Variants in TENM2 observed in about 807,000 individuals in gnomAD.
TENM2 encodes the protein teneurin-2.
Under a neutral mutation model 245.2 loss-of-function variants are expected in TENM2, and 52 were observed. The observed-to-expected ratio is 0.21, with a 90% CI of 0.17 to 0.27. TENM2 has a LOEUF of 0.27. Ranked by LOEUF, TENM2 falls within the 10% of genes least tolerant of loss-of-function variation. The pLI is 1.00. For synonymous variants in TENM2, 1,363 were observed against 1,438.9 expected (o/e 0.95, Z 1.19); for missense variants, 3,046 against 3,666.8 (o/e 0.83, Z 4.37).
intron 1 of TENM2, among the ~76,000 whole-genome samples, chr5:167,343,441 C>G (rs1223752332): frequency 1.3e-5 from 2 of 152,220 alleles, no homozygotes; most frequent in Middle Eastern, 3.4e-3. Flanking sequence ...TGATATCTCT[C>G]CCATACAGTA....
the TENM2 span, among the ~76,000 whole-genome samples, chr5:167,221,247 G>T: frequency 6.6e-6 from 1 of 152,158 alleles, no homozygotes; most frequent in East Asian, 1.9e-4. Context: ...ATGTGGAAGT[G>T]ACTGCCTGTA....
At chr5:167,163,653 T>C in the TENM2 span, among the ~76,000 whole-genome samples, 1 of 152,176 alleles carries the variant, frequency 6.6e-6, no homozygotes, top group South Asian at 2.1e-4. Context: ...AGCTCTTCCA[T>C]GGGGACTGCT....
chr5:167,615,920 C>T (rs1777762825), intron 2 of TENM2, among the ~76,000 whole-genome samples: 1 of 152,042 alleles, frequency 6.6e-6, no homozygotes, highest in South Asian at 2.1e-4. Context: ...GAACAAAAGG[C>T]CATTAGATAG....
At chr5:168,250,614 C>T (rs749001121) in intron 27 of TENM2, among the ~76,000 whole-genome samples, 3 of 152,278 alleles carry the variant, frequency 2.0e-5, no homozygotes, top group African/African-American at 4.8e-5. Flanking sequence ...CCATGCATTG[C>T]TTCAGTGACA....
chr5:167,926,718 CCA>C (rs750351497), intron 3 of TENM2, among the ~76,000 whole-genome samples: 21,625 of 136,412 alleles, frequency 0.16, 1,673 homozygotes, highest in African/African-American at 0.23. Flanking sequence ...TGAGATTCCA[CCA>C]CACACACACA....
At chr5:167,843,371 A>C (rs1425373630) in intron 2 of TENM2, among the ~76,000 whole-genome samples, 1 of 152,208 alleles carries the variant, frequency 6.6e-6, no homozygotes. Context: ...ACTGTGTCTT[A>C]CATATACATA....
At chr5:167,429,835 G>A (rs1764108079) in intron 2 of TENM2, among the ~76,000 whole-genome samples, 1 of 152,064 alleles carries the variant, frequency 6.6e-6, no homozygotes, top group African/African-American at 2.4e-5. Context: ...TCAAACTCCT[G>A]ACCTCAGGTG....
chr5:167,063,656 C>T, the TENM2 span, among the ~76,000 whole-genome samples: 3 of 152,158 alleles, frequency 2.0e-5, no homozygotes, highest in Non-Finnish European at 2.9e-5. Context: ...ATTATTCTTA[C>T]TGTGCTTAAG....
At chr5:167,449,339 G>A (rs1765420942) in intron 2 of TENM2, among the ~76,000 whole-genome samples, 1 of 152,188 alleles carries the variant, frequency 6.6e-6, no homozygotes, top group Non-Finnish European at 1.5e-5. Flanking sequence ...TGATAATGAG[G>A]ATTTATGGTG....
chr5:168,084,162 G>T (rs1472656966), intron 7 of TENM2, among the ~76,000 whole-genome samples: 1 of 152,120 alleles, frequency 6.6e-6, no homozygotes, highest in African/African-American at 2.4e-5. Context: ...TTCCACTCTT[G>T]GTAGGCACCT....
intron 4 of TENM2, among the ~76,000 whole-genome samples, chr5:167,978,535 T>C (rs1420984480): frequency 6.6e-6 from 1 of 152,202 alleles, no homozygotes; most frequent in Non-Finnish European, 1.5e-5. Flanking sequence ...GGTCACATAT[T>C]GTATGAGTCC....
intron 1 of TENM2, among the ~76,000 whole-genome samples, chr5:167,324,422 T>A (rs953012873): frequency 1.3e-5 from 2 of 152,218 alleles, no homozygotes; most frequent in Non-Finnish European, 2.9e-5. Context: ...CTTTCAAAGA[T>A]GGATAGGTAA....
chr5:168,064,414 GC>G (rs1220788386), intron 7 of TENM2, among the ~76,000 whole-genome samples: 1 of 152,038 alleles, frequency 6.6e-6, no homozygotes, highest in African/African-American at 2.4e-5. Flanking sequence ...AGCTCTGCTT[GC>G]CCCCTTCTCT....
chr5:167,859,203 C>A (rs1478255402), intron 2 of TENM2, among the ~76,000 whole-genome samples: 41 of 77,300 alleles, frequency 5.3e-4, no homozygotes, highest in Middle Eastern at 0.012. Flanking sequence ...CCGGCCGCCC[C>A]GTCTGAGAAG....
At chr5:167,833,569 C>G (rs951628265) in intron 2 of TENM2, among the ~76,000 whole-genome samples, 3 of 152,204 alleles carry the variant, frequency 2.0e-5, no homozygotes, top group Non-Finnish European at 2.9e-5. Context: ...TTGGTTGACC[C>G]GAACCTTATC....
chr5:168,110,934 A>T (rs1424482930), intron 9 of TENM2, among the ~76,000 whole-genome samples: 49 of 152,322 alleles, frequency 3.2e-4, no homozygotes. Context: ...ATAGGCTTAA[A>T]AGTCTCTTGC....
At chr5:167,093,065 G>A in the TENM2 span, among the ~76,000 whole-genome samples, 3 of 151,910 alleles carry the variant, frequency 2.0e-5, no homozygotes, top group African/African-American at 7.3e-5. Flanking sequence ...CCATTGGCTA[G>A]ACTTAATCAT....
intron 2 of TENM2, among the ~76,000 whole-genome samples, chr5:167,380,785 C>A (rs1761056402): frequency 6.6e-6 from 1 of 152,110 alleles, no homozygotes; most frequent in East Asian, 1.9e-4. Context: ...AGTTGAGTTG[C>A]TCTTTTTACT....
intron 2 of TENM2, among the ~76,000 whole-genome samples, chr5:167,685,339 A>G (rs981861543): frequency 1.3e-5 from 2 of 152,174 alleles, no homozygotes; most frequent in African/African-American, 4.8e-5. Context: ...TCAGGCCCCA[A>G]GCCTGTGAAA....
Sources: gnomAD v4.1 joint callset for allele counts (sites outside exome capture counted in the v4.1 genomes callset) on GRCh38, gnomAD v4.1.1 for gene constraint, MANE v1.5 for transcripts, NCBI Gene and HGNC (gene_info 2026-07-23, HGNC 2026-07-21) for gene names.